Variants in DOCK1 observed in about 807,000 individuals in gnomAD.
The protein encoded by DOCK1 is dedicator of cytokinesis 1, also known as dedicator of cytokinesis protein 1.
A neutral mutation model predicts 262.7 loss-of-function variants in DOCK1; 138 were observed. The ratio of observed to expected loss-of-function variants is 0.53; its 90% CI spans 0.46 to 0.61. DOCK1 has a LOEUF of 0.61. Ranked by LOEUF, DOCK1 falls within the 20% of genes least tolerant of loss-of-function variation. The probability of loss-of-function intolerance (pLI) is 0.00; values close to 1 mark genes in which losing one functional copy is unlikely to be tolerated. For synonymous variants in DOCK1, 866 were observed against 867.4 expected (o/e 1.00, Z 0.03); for missense variants, 1,908 against 2,370.7 (o/e 0.80, Z 4.05).
intron 38 of DOCK1, among the ~76,000 whole-genome samples, chr10:127,399,049 G>A (rs1326047278): frequency 6.6e-6 from 1 of 152,210 alleles, no homozygotes; most frequent in Non-Finnish European, 1.5e-5. Context: ...GAAGAATAGA[G>A]AGAAGATTAT....
chr10:127,331,068 A>AGG (rs577763819), intron 29 of DOCK1, among the ~76,000 whole-genome samples: 37 of 152,202 alleles, frequency 2.4e-4, no homozygotes, highest in African/African-American at 8.9e-4. Context: ...GCAAAGAGGG[A>AGG]GGGGGAGTCC....
chr10:127,419,904 C>T (rs2068397802), intron 46 of DOCK1, among the ~76,000 whole-genome samples, 155 bp downstream of exon 46: 2 of 152,140 alleles, frequency 1.3e-5, no homozygotes, highest in Admixed American at 6.5e-5. Flanking sequence ...CCACTGCTGT[C>T]GTGATCAACT....
At chr10:127,287,792 C>A (rs573669048) in intron 29 of DOCK1, among the ~76,000 whole-genome samples, 37 of 152,246 alleles carry the variant, frequency 2.4e-4, no homozygotes, top group Middle Eastern at 6.8e-3. Flanking sequence ...TGATTAGTGG[C>A]ATCAGGTGCT....
chr10:127,336,421 A>G (rs1291602818), intron 29 of DOCK1, among the ~76,000 whole-genome samples: 1 of 152,108 alleles, frequency 6.6e-6, no homozygotes, highest in Non-Finnish European at 1.5e-5. Context: ...ATTTAAAAAA[A>G]TTTATAGGGA....
At chr10:126,929,168 C>G in intron 1 of DOCK1, among the ~76,000 whole-genome samples, 1 of 152,310 alleles carries the variant, frequency 6.6e-6, no homozygotes, top group Admixed American at 6.5e-5. Flanking sequence ...TTCCATTGAC[C>G]TGGAATCCCA....
intron 1 of DOCK1, among the ~76,000 whole-genome samples, chr10:126,937,161 G>A (rs966279074): frequency 7.2e-5 from 11 of 152,224 alleles, no homozygotes; most frequent in African/African-American, 1.4e-4. Flanking sequence ...AGCATATGTC[G>A]TAATTTCCTT....
At chr10:127,188,121 T>A (rs934657740) in intron 27 of DOCK1, among the ~76,000 whole-genome samples, 9 of 152,168 alleles carry the variant, frequency 5.9e-5, no homozygotes, top group Admixed American at 6.5e-5. Flanking sequence ...AGAATGAACC[T>A]GGACATCAGC....
At position 127,447,552 on chromosome 10, in the gene DOCK1, C is replaced by T. The variant is rs748305258; in HGVS notation, c.5565+7C>T. 13 of 1,613,298 alleles carry T rather than the reference C, an allele frequency of 8.1e-6. No individual in the cohort carries two copies. Among genetic ancestry groups the T allele is most frequent in the Admixed American group, 1.7e-5 (1 of 59,958 alleles). The stretch of plus-strand genomic sequence containing the variant: ...TCCCCCTCCACACCAGAGGGTAAGT[C>T]GGCAATCTGAAACACAGGCTTTCAT... On this transcript the variant is annotated splice_region_variant and intron_variant, in intron 51 of 51. Transcript: ENST00000623213.
chr10:127,182,862 A>G (rs1053472405), intron 27 of DOCK1, among the ~76,000 whole-genome samples: 1 of 152,120 alleles, frequency 6.6e-6, no homozygotes, highest in Non-Finnish European at 1.5e-5. Context: ...TAGTTACGAT[A>G]GCAGGTGTCC....
intron 27 of DOCK1, among the ~76,000 whole-genome samples, chr10:127,225,143 A>G (rs2058588899): frequency 6.6e-6 from 1 of 152,226 alleles, no homozygotes. Context: ...ACGTGCCAAA[A>G]ATATAGAAAG....
chr10:127,019,617 A>C (rs181756383), intron 13 of DOCK1, among the ~76,000 whole-genome samples: 260 of 152,228 alleles, frequency 1.7e-3, no homozygotes, highest in African/African-American at 6.1e-3. Flanking sequence ...GCGTGGTGGC[A>C]TATGCCTGTC....
chr10:127,310,710 G>A (rs2062033801), intron 29 of DOCK1, among the ~76,000 whole-genome samples: 1 of 152,142 alleles, frequency 6.6e-6, no homozygotes, highest in Non-Finnish European at 1.5e-5. Context: ...AGCAGGCAAC[G>A]GACAGCCCAA....
chr10:126,914,821 AGTGGGCGGTGGGGAGG>A (rs1416226609), intron 1 of DOCK1, among the ~76,000 whole-genome samples: 1 of 152,248 alleles, frequency 6.6e-6, no homozygotes, highest in Admixed American at 6.5e-5. Flanking sequence ...TTTGTGTCAA[AGTGGGCGGTGGGGAGG>A]GTGAGCAGGG....
chr10:127,349,645 A>G (rs540728912), intron 31 of DOCK1, among the ~76,000 whole-genome samples: 1 of 152,324 alleles, frequency 6.6e-6, no homozygotes, highest in South Asian at 2.1e-4. Context: ...GGGTGGCTTG[A>G]ATTGATTGTC....
intron 40 of DOCK1, among the ~76,000 whole-genome samples, chr10:127,408,498 G>A (rs550209215): frequency 3.9e-5 from 6 of 152,312 alleles, no homozygotes; most frequent in South Asian, 2.1e-4. Flanking sequence ...GGTTCTGCTC[G>A]CCTCGGCTGT....
At chr10:127,038,711 CTG>C (rs2043822424) in intron 19 of DOCK1, among the ~76,000 whole-genome samples, 1 of 150,570 alleles carries the variant, frequency 6.6e-6, no homozygotes, top group Non-Finnish European at 1.5e-5. Flanking sequence ...GCATCTTTAT[CTG>C]TGAGAGAGGG....
chr10:127,083,013 A>G (rs1240840869), intron 23 of DOCK1, among the ~76,000 whole-genome samples: 1 of 152,158 alleles, frequency 6.6e-6, no homozygotes, highest in Non-Finnish European at 1.5e-5. Flanking sequence ...TCCACTGCAG[A>G]GGCCATTTGT....
chr10:127,169,522 C>A (rs2054371833), intron 27 of DOCK1, among the ~76,000 whole-genome samples: 1 of 152,148 alleles, frequency 6.6e-6, no homozygotes, highest in Non-Finnish European at 1.5e-5. Flanking sequence ...TATCAGGAGT[C>A]CATAACCTAT....
chr10:127,115,423 T>C (rs1162533567), intron 25 of DOCK1, among the ~76,000 whole-genome samples: 7 of 152,214 alleles, frequency 4.6e-5, no homozygotes, highest in African/African-American at 1.7e-4. Flanking sequence ...AAAAGATGAC[T>C]CTTGCATATA....
Sources: gnomAD v4.1 joint callset for allele counts (sites outside exome capture counted in the v4.1 genomes callset) on GRCh38, gnomAD v4.1.1 for gene constraint, MANE v1.5 for transcripts, NCBI Gene and HGNC (gene_info 2026-07-23, HGNC 2026-07-21) for gene names.